LIN54: variants seen among roughly 807,000 people sequenced by gnomAD.
LIN54 encodes lin-54 DREAM MuvB core complex component, also known as protein lin-54 homolog.
A neutral mutation model predicts 78.7 loss-of-function variants in LIN54; 9 were observed. The observed-to-expected ratio is 0.11, with a 90% CI of 0.07 to 0.20. The LOEUF is 0.20. Among genes scored for constraint, LIN54 ranks in the 10% least tolerant of loss-of-function variants. The probability of loss-of-function intolerance (pLI) is 1.00; values close to 1 mark genes in which losing one functional copy is unlikely to be tolerated. For synonymous variants in LIN54, 269 were observed against 318.4 expected (o/e 0.84, Z 1.65); for missense variants, 573 against 889.9 (o/e 0.64, Z 4.53).
intron 5 of LIN54, among the ~76,000 whole-genome samples, chr4:82,942,540 A>T (rs1007297503): frequency 2.6e-5 from 4 of 152,180 alleles, no homozygotes; most frequent in African/African-American, 9.7e-5. Context: ...ATTATACTGA[A>T]CCATTAGCAA....
At chr4:82,959,049 G>A (rs1217226163) in intron 4 of LIN54, among the ~76,000 whole-genome samples, 3 of 152,032 alleles carry the variant, frequency 2.0e-5, no homozygotes, top group Admixed American at 2.0e-4. Flanking sequence ...CTAATAGTCA[G>A]AAATTTGTAT....
chr4:82,955,422 A>AACATAACATAACATAAC (rs879897504), intron 4 of LIN54, among the ~76,000 whole-genome samples: 2 of 151,876 alleles, frequency 1.3e-5, no homozygotes, highest in African/African-American at 2.4e-5. Context: ...AACATAACAT[A>AACATAACATAACATAAC]ATGAACAGAC....
At chr4:82,978,259 A>C (rs1371367754) in intron 3 of LIN54, among the ~76,000 whole-genome samples, 2 of 152,232 alleles carry the variant, frequency 1.3e-5, no homozygotes, top group African/African-American at 4.8e-5. Context: ...TATTCTAGTA[A>C]AAGTAATTCA....
At chr4:82,936,513 T>C in intron 9 of LIN54, 132 bp from the exon 10 acceptor site, 1 of 533,038 alleles carries the variant, frequency 1.9e-6, no homozygotes, top group East Asian at 3.0e-5. Flanking sequence ...TCTACTCAGC[T>C]ACCCAGTTAA....
At chr4:82,948,930 GT>G (rs2126047783) in intron 4 of LIN54, among the ~76,000 whole-genome samples, 1 of 152,194 alleles carries the variant, frequency 6.6e-6, no homozygotes, top group East Asian at 1.9e-4. Context: ...CTGTCAACAG[GT>G]TGTTTTCATA....
rs1383543379 is a variant in LIN54, at chr4:82,971,805, C to T, written c.809-1336G>A. ...GCAGATGCTGGATAATCAAATATAC[C>T]GGCTAAAGAGGAAAGTCAAGCATCT... On this transcript the variant is annotated intron_variant, in intron 3 of 12. Coordinates refer to ENST00000340417, the MANE Select transcript of LIN54 (RefSeq NM_194282.4). Among the ~76,000 whole-genome samples, 7 of 152,056 alleles carry T rather than the reference C, an allele frequency of 4.6e-5. No homozygotes were observed. In the East Asian group the frequency reaches 5.8e-4, roughly 13 times the overall value.
intron 2 of LIN54, among the ~76,000 whole-genome samples, chr4:82,980,571 A>G (rs116142917): frequency 0.33 from 49,877 of 151,996 alleles, 9,494 homozygotes; most frequent in African/African-American, 0.52. Flanking sequence ...AATCACTTAA[A>G]AAAAAACATA....
At chr4:82,942,436 G>A (rs1174438975) in intron 5 of LIN54, among the ~76,000 whole-genome samples, 1 of 152,222 alleles carries the variant, frequency 6.6e-6, no homozygotes, top group Admixed American at 6.5e-5. Flanking sequence ...TATACAAAAA[G>A]AGTGTAAGAC....
intron 2 of LIN54, among the ~76,000 whole-genome samples, chr4:82,983,363 A>G (rs1212898232): frequency 6.6e-6 from 1 of 152,166 alleles, no homozygotes; most frequent in Admixed American, 6.5e-5. Flanking sequence ...CTATTTGGGC[A>G]TGATAAACTG....
intron 4 of LIN54, among the ~76,000 whole-genome samples, chr4:82,960,653 A>G (rs1453624674): frequency 6.6e-6 from 1 of 152,106 alleles, no homozygotes; most frequent in Admixed American, 6.6e-5. Flanking sequence ...GGCTGGTCTC[A>G]AACTCCTGGT....
intron 12 of LIN54, among the ~76,000 whole-genome samples, chr4:82,929,577 G>A (rs1456283793): frequency 6.6e-6 from 1 of 152,070 alleles, no homozygotes; most frequent in African/African-American, 2.4e-5. Flanking sequence ...GACTGAGATG[G>A]GCAGATCACC....
At chr4:82,942,864 A>G (rs759655155) in intron 5 of LIN54, among the ~76,000 whole-genome samples, 340 of 31,214 alleles carry the variant, frequency 0.011, 1 homozygote, top group South Asian at 0.074. Context: ...GCGCGCGCAC[A>G]CACACACACA....
intron 4 of LIN54, among the ~76,000 whole-genome samples, chr4:82,960,459 G>A (rs1724695180): frequency 6.6e-6 from 1 of 151,244 alleles, no homozygotes; most frequent in South Asian, 2.1e-4. Context: ...TTTGAGACAA[G>A]GTTTCACTCC....
At chr4:82,963,934 A>T (rs1169567800) in intron 4 of LIN54, among the ~76,000 whole-genome samples, 1 of 152,208 alleles carries the variant, frequency 6.6e-6, no homozygotes, top group Non-Finnish European at 1.5e-5. Context: ...TAATTTATAC[A>T]TTAATTCTAA....
At chr4:82,937,321 ATACATT>A in intron 8 of LIN54, 23 bp from the exon 9 acceptor site, 1 of 1,504,098 alleles carries the variant, frequency 6.6e-7, no homozygotes, top group South Asian at 1.3e-5. Context: ...AAAAAAAGAT[ATACATT>A]TAATCAATTA....
At chr4:82,931,622 G>A (rs1024941925) in intron 11 of LIN54, among the ~76,000 whole-genome samples, 2 of 151,992 alleles carry the variant, frequency 1.3e-5, no homozygotes, top group African/African-American at 2.4e-5. Flanking sequence ...GAGGGAGTTC[G>A]GGAGGGACTT....
chr4:82,934,550 A>G (rs2126031625), intron 11 of LIN54, among the ~76,000 whole-genome samples: 1 of 152,320 alleles, frequency 6.6e-6, no homozygotes, highest in East Asian at 1.9e-4. Context: ...GACTTTGTAA[A>G]TAAGTAGATT....
At chr4:82,942,544 T>C (rs933047410) in intron 5 of LIN54, among the ~76,000 whole-genome samples, 2 of 152,164 alleles carry the variant, frequency 1.3e-5, no homozygotes, top group African/African-American at 2.4e-5. Flanking sequence ...TACTGAACCA[T>C]TAGCAAGGTT....
At chr4:82,974,027 G>A (rs939971475) in intron 3 of LIN54, among the ~76,000 whole-genome samples, 2 of 151,062 alleles carry the variant, frequency 1.3e-5, no homozygotes, top group Admixed American at 6.6e-5. Context: ...TGGCTAACAC[G>A]GTGAAACCCC....
Sources: allele counts gnomAD v4.1 joint callset (sites outside exome capture counted in the v4.1 genomes callset), GRCh38; gene constraint gnomAD v4.1.1; transcripts MANE v1.5; gene names NCBI Gene and HGNC (gene_info 2026-07-23, HGNC 2026-07-21).